The following QRICH1 variants were observed in gnomAD, a reference collection of about 807,000 sequenced individuals.
QRICH1 encodes glutamine rich 1.
QRICH1 carries 16 observed loss-of-function variants against 87.1 expected under a neutral mutation model. The observed-to-expected ratio is 0.18, with a 90% CI of 0.12 to 0.28. QRICH1 has a LOEUF of 0.28. QRICH1 is among the 10% of genes least tolerant of loss of function. QRICH1 has a pLI of 1.00. For synonymous variants in QRICH1, 367 were observed against 368.4 expected (o/e 1.00, Z 0.05); for missense variants, 647 against 951.7 (o/e 0.68, Z 4.21).
intron 6 of QRICH1, among the ~76,000 whole-genome samples, chr3:49,035,148 C>T (rs1426433283): frequency 1.3e-5 from 2 of 152,102 alleles, no homozygotes; most frequent in Non-Finnish European, 2.9e-5. Flanking sequence ...AGAAAACAGC[C>T]CTTCTCAGCA....
chr3:49,054,839 C>T (rs745654591), intron 3 of QRICH1, among the ~76,000 whole-genome samples: 1 of 152,048 alleles, frequency 6.6e-6, no homozygotes, highest in Non-Finnish European at 1.5e-5. Context: ...GAGTTAGAGG[C>T]TACAGTGAAT....
intron 6 of QRICH1, among the ~76,000 whole-genome samples, chr3:49,043,425 G>A (rs931389903): frequency 6.7e-6 from 1 of 149,968 alleles, no homozygotes; most frequent in Middle Eastern, 3.2e-3. Flanking sequence ...GAATCTGGGA[G>A]GTGGATGCTG....
rs1559920405 is a variant in QRICH1 at position 49,030,661 on chromosome 3, T to C, written c.2139-17A>G. The C allele has an allele frequency of 6.5e-7, 1 of 1,532,602 alleles. No homozygotes were observed. Among genetic ancestry groups the C allele is most frequent in the Non-Finnish European group, 8.8e-7 (1 of 1,135,472 alleles). 94.9% of individuals were successfully genotyped at this position (1,532,602 alleles called of 1,614,324 possible). A position where few individuals can be genotyped will look rare whatever the true frequency, so the allele number is the denominator to read the frequency against. ...CTCTGGGGGCTGAAGAATATGCGGA[T>C]AAAAGTTGGGTACCACCAATATAAC... On this transcript the variant is annotated splice_polypyrimidine_tract_variant and intron_variant, in intron 9 of 9. Coordinates refer to ENST00000395443, the MANE Select transcript of QRICH1 (RefSeq NM_198880.3).
intron 3 of QRICH1, among the ~76,000 whole-genome samples, chr3:49,049,910 G>C (rs935551660): frequency 2.6e-5 from 4 of 152,022 alleles, no homozygotes; most frequent in African/African-American, 9.7e-5. Flanking sequence ...CATGTTCAAA[G>C]AATGTGCTTG....
Position 49,057,545 on chromosome 3 carries a change from G to A in QRICH1, c.655C>T (p.Leu219Phe). 1 of 1,613,230 alleles carries A rather than the reference G, an allele frequency of 6.2e-7. No homozygotes were observed. Among genetic ancestry groups the A allele is most frequent in the Non-Finnish European group, 8.5e-7 (1 of 1,179,414 alleles). The part of the protein sequence containing the change: ...QQIQIQTVGA[L>F]SPPPSQQGSP... The stretch of plus-strand genomic sequence containing the variant: ...CCCTGCTGGGATGGTGGTGGGGAAA[G>A]GGCACCCACGGTCTGGATTTGGATC... Residue 219 changes from leucine (L) to phenylalanine (F), a missense_variant, in exon 3 of 10, where the codon CTT (leucine) becomes TTT (phenylalanine). This residue lies in a region of QRICH1 where 156 missense variants were observed against 164.5 expected (regional missense o/e 0.95). Transcript: ENST00000395443. The surrounding 1 kb of genome is among the most constrained non-coding windows in gnomAD (Gnocchi z 5.4).
chr3:49,045,326 CAAAAAAA>C (rs150401256), intron 5 of QRICH1, among the ~76,000 whole-genome samples: 23 of 101,818 alleles, frequency 2.3e-4, no homozygotes, highest in Non-Finnish European at 2.7e-4. Context: ...TTGTGAATTA[CAAAAAAA>C]AAAAAAAAAA....
At chr3:49,040,925 T>C (rs1181675008) in intron 6 of QRICH1, among the ~76,000 whole-genome samples, 1 of 152,218 alleles carries the variant, frequency 6.6e-6, no homozygotes, top group Non-Finnish European at 1.5e-5. Context: ...TGTACAGTAG[T>C]ATTTCATTAC....
At chr3:49,063,763 C>T (rs535340108) in intron 2 of QRICH1, among the ~76,000 whole-genome samples, 1 of 152,268 alleles carries the variant, frequency 6.6e-6, no homozygotes, top group Admixed American at 6.5e-5. Flanking sequence ...CACTGTACTC[C>T]AGCTTGGACA....
chr3:49,073,035 C>T lies in QRICH1; in HGVS notation c.309+3674G>A, dbSNP rs2041874136. Among the ~76,000 whole-genome samples the T allele has an allele frequency of 2.6e-5, 4 of 151,704 alleles. No individual in the cohort carries two copies. The South Asian group carries it at 8.3e-4, about 32-fold the overall frequency. On this transcript the variant is annotated intron_variant, in intron 2 of 9. Coordinates refer to ENST00000395443, the MANE Select transcript of QRICH1 (RefSeq NM_198880.3). Reference sequence around the variant, plus strand: ...CCAGCCTGGGCAAGTGAAATCCTGTCTCTTAAAAAAAAAACAGAAAAAATG... The same window carrying T: ...CCAGCCTGGGCAAGTGAAATCCTGTTTCTTAAAAAAAAAACAGAAAAAATG...
chr3:49,057,344 A>T lies in QRICH1; in HGVS notation c.856T>A (p.Leu286Ile). ...QQSYVSLRPDLLTVDSAHLYS... is the reference protein window; with the variant it reads ...QQSYVSLRPDILTVDSAHLYS... ...AGGTGGGCACTGTCTACTGTCAGTA[A>T]GTCTGGCCTCAAAGACACATAACTC... Residue 286 changes from leucine to isoleucine, a missense_variant, in exon 3 of 10, where the codon TTA (leucine) becomes ATA (isoleucine). By Grantham distance (5) the Leu-to-Ile change is conservative. Around this residue, in one of 7 missense-constraint regions of QRICH1, gnomAD observed 75 missense variants for 141.0 expected, o/e 0.53. Transcript: ENST00000395443. This position sits in a 1 kb window ranked among gnomAD's most constrained non-coding sequence, Gnocchi z 5.4. The T allele has an allele frequency of 6.2e-7, 1 of 1,614,214 alleles. No homozygotes were observed. Among genetic ancestry groups the T allele is most frequent in the Non-Finnish European group, 8.5e-7 (1 of 1,180,044 alleles).
At chr3:49,038,498 C>T (rs764922267) in intron 6 of QRICH1, among the ~76,000 whole-genome samples, 7 of 151,212 alleles carry the variant, frequency 4.6e-5, no homozygotes, top group Non-Finnish European at 1.0e-4. Context: ...CTGCAAACCC[C>T]GCCTCTCCTG....
At chr3:49,077,569 T>G (rs1340244409) in intron 1 of QRICH1, among the ~76,000 whole-genome samples, 2 of 152,240 alleles carry the variant, frequency 1.3e-5, no homozygotes, top group African/African-American at 4.8e-5. Context: ...AATCCTATTT[T>G]GCCATGTGGT....
intron 2 of QRICH1, among the ~76,000 whole-genome samples, chr3:49,066,758 C>G (rs1345396585): frequency 3.3e-5 from 5 of 152,054 alleles, no homozygotes; most frequent in Admixed American, 6.6e-5. Flanking sequence ...ATTTAAAAGG[C>G]CAAGTGAGGT....
intron 3 of QRICH1, among the ~76,000 whole-genome samples, chr3:49,056,577 T>C (rs758563316): frequency 3.9e-5 from 6 of 152,230 alleles, no homozygotes; most frequent in Non-Finnish European, 8.8e-5. Flanking sequence ...TTACTCTTCC[T>C]GAGAAGAGAT....
intron 2 of QRICH1, among the ~76,000 whole-genome samples, chr3:49,058,961 C>CTTT (rs1160675425): frequency 2.5e-5 from 3 of 119,258 alleles, no homozygotes; most frequent in Admixed American, 8.8e-5. Flanking sequence ...GAGTTTCACT[C>CTTT]TTTTTTTTTT....
rs116899056 is a variant in QRICH1, at chr3:49,055,648, C to A, written c.1338+1214G>T. Reference sequence around the variant, plus strand: ...AGACTGCTGGGATTACAGGCAACTGCCACTGCACCCAGCACTAATAGTTTT... The same window carrying A: ...AGACTGCTGGGATTACAGGCAACTGACACTGCACCCAGCACTAATAGTTTT... On this transcript the variant is annotated intron_variant, in intron 3 of 9. Coordinates refer to ENST00000395443, the MANE Select transcript of QRICH1 (RefSeq NM_198880.3). 1.9e-3 allele frequency among the ~76,000 whole-genome samples: 292 copies of A among 152,300 alleles called. 5 individuals carry two copies. Among genetic ancestry groups the A allele is most frequent in the East Asian group, 5.8e-3 (30 of 5,186 alleles).
At position 49,030,458 on chromosome 3, in the gene QRICH1, C is replaced by A; in HGVS notation, c.2325G>T (p.Met775Ile). 6.2e-7 allele frequency: 1 copy of A among 1,613,160 alleles called. No individual in the cohort carries two copies. Among genetic ancestry groups the A allele is most frequent in the Admixed American group, 1.7e-5 (1 of 60,008 alleles). Residue 775 changes from methionine (M) to isoleucine (I), a missense_variant, in exon 10 of 10, where the codon ATG becomes ATT. Transcript: ENST00000395443. ...EAIAVANAST[M>I]H ...GTGCCATGGCCAAGGCATCTCAGTGCATAGTGCTTGCATTGGCCACTGCGA... is the reference window on the plus strand; with the variant it reads ...GTGCCATGGCCAAGGCATCTCAGTGAATAGTGCTTGCATTGGCCACTGCGA...
chr3:49,032,912 A>G, intron 7 of QRICH1, 139 bp from the exon 8 acceptor site: 9 of 1,130,564 alleles, frequency 8.0e-6, no homozygotes, highest in Non-Finnish European at 1.1e-5. Flanking sequence ...AGCAGTGTCC[A>G]GTGCAGGAAC....
chr3:49,042,571 A>G (rs2093316808), intron 6 of QRICH1, among the ~76,000 whole-genome samples: 1 of 151,972 alleles, frequency 6.6e-6, no homozygotes, highest in Non-Finnish European at 1.5e-5. Context: ...TAAACAGGTG[A>G]AAAGGTTTGT....
Sources: gnomAD v4.1 joint callset for allele counts (sites outside exome capture counted in the v4.1 genomes callset) on GRCh38, gnomAD v4.1.1 for gene constraint, gnomAD v4.1.1 regional missense constraint, Gnocchi (gnomAD v3.1) non-coding constraint, MANE v1.5 for transcripts, NCBI Gene and HGNC (gene_info 2026-07-23, HGNC 2026-07-21) for gene names.